Variants in CARMIL1 observed in about 807,000 individuals in gnomAD.
CARMIL1 encodes the protein capping protein regulator and myosin 1 linker 1.
In CARMIL1, 90 loss-of-function variants were observed where a neutral mutation model predicts 177.1. The ratio of observed to expected loss-of-function variants is 0.51; its 90% confidence interval spans 0.43 to 0.61. CARMIL1 has a LOEUF of 0.61. Ranked by LOEUF, CARMIL1 falls within the 20% of genes least tolerant of loss-of-function variation. CARMIL1 has a pLI of 0.00. For synonymous variants in CARMIL1, 577 were observed against 606.2 expected (o/e 0.95, Z 0.71); for missense variants, 1,380 against 1,667.0 (o/e 0.83, Z 3.00).
chr6:25,441,337 A>ATATATATATATGTGTGTGTGTG, intron 5 of CARMIL1, among the ~76,000 whole-genome samples: 80 of 94,522 alleles, frequency 8.5e-4, no homozygotes, highest in African/African-American at 3.4e-3. Flanking sequence ...ATATATATAT[A>ATATATATATATGTGTGTGTGTG]TGTGTGTGTG....
intron 36 of CARMIL1, among the ~76,000 whole-genome samples, chr6:25,614,049 G>A (rs1816699879): frequency 6.6e-6 from 1 of 152,166 alleles, no homozygotes. Flanking sequence ...ACACTTCACA[G>A]CTTAACAGCC....
chr6:25,393,556 C>CAAAAAA (rs201908574), intron 2 of CARMIL1: 1 of 91,740 alleles, frequency 1.1e-5, no homozygotes. Context: ...AACTCCATCT[C>CAAAAAA]AAAAAAAAAA....
At chr6:25,604,956 C>T in intron 34 of CARMIL1, 63 bp downstream of exon 34, 1 of 1,334,946 alleles carries the variant, frequency 7.5e-7, no homozygotes, top group African/African-American at 1.5e-5. Flanking sequence ...TGCAGAGTCA[C>T]ATGATTGACA....
intron 11 of CARMIL1, among the ~76,000 whole-genome samples, chr6:25,481,713 G>T (rs539111365): frequency 1.6e-4 from 24 of 152,306 alleles, no homozygotes; most frequent in African/African-American, 5.5e-4. Context: ...AATTCCTGGT[G>T]AGTTATCCAA....
intron 9 of CARMIL1, among the ~76,000 whole-genome samples, chr6:25,468,252 C>T (rs950946065): frequency 1.3e-5 from 2 of 151,486 alleles, no homozygotes; most frequent in African/African-American, 4.9e-5. Context: ...TTTTGGCCAA[C>T]ATTCTTGATT....
At chr6:25,333,907 C>T (rs1442329877) in intron 2 of CARMIL1, among the ~76,000 whole-genome samples, 1 of 152,170 alleles carries the variant, frequency 6.6e-6, no homozygotes, top group African/African-American at 2.4e-5. Flanking sequence ...ATTATCTATG[C>T]TTAGGTATGA....
chr6:25,295,605 C>G (rs112071505), intron 2 of CARMIL1, among the ~76,000 whole-genome samples: 100 of 152,292 alleles, frequency 6.6e-4, no homozygotes, highest in African/African-American at 2.4e-3. Context: ...GTCTACTTGG[C>G]AGAATGGCTT....
At chr6:25,359,377 C>A (rs902296364) in intron 2 of CARMIL1, among the ~76,000 whole-genome samples, 4 of 152,246 alleles carry the variant, frequency 2.6e-5, no homozygotes, top group Non-Finnish European at 2.9e-5. Flanking sequence ...CCCTAGCTCA[C>A]TGAGGCTCGT....
Position 25,609,961 on chromosome 6 carries a change from A to G in CARMIL1, c.3848-89A>G, listed in dbSNP as rs1816365507. 5.1e-6 allele frequency: 7 copies of G among 1,368,890 alleles called. No homozygotes were observed. In the South Asian group the frequency reaches 1.3e-4, roughly 24 times the overall value. The allele number at this position is 1,368,890 out of a possible 1,614,324, so 84.8% of individuals were successfully genotyped here. ...CTATGATGCTTTATTTTTTTAAATG[A>G]CTTATTTTTATATATAGATTTACCA... On this transcript the variant is annotated intron_variant, in intron 35 of 36. Coordinates refer to ENST00000329474, the MANE Select transcript of CARMIL1 (RefSeq NM_017640.6).
chr6:25,437,798 A>G (rs1450320044), intron 5 of CARMIL1, among the ~76,000 whole-genome samples: 3 of 152,178 alleles, frequency 2.0e-5, no homozygotes, highest in Admixed American at 2.0e-4. Context: ...ATTGGTTGCT[A>G]AGCTTTTAAA....
intron 8 of CARMIL1, among the ~76,000 whole-genome samples, chr6:25,463,581 C>A (rs181982304): frequency 6.6e-6 from 1 of 152,046 alleles, no homozygotes; most frequent in East Asian, 1.9e-4. Flanking sequence ...GACATTAAAT[C>A]CACAAAAAAG....
At chr6:25,309,195 T>G (rs1324812947) in intron 2 of CARMIL1, among the ~76,000 whole-genome samples, 1 of 151,988 alleles carries the variant, frequency 6.6e-6, no homozygotes, top group Admixed American at 6.6e-5. Context: ...GCCTCTCTCT[T>G]AAAACAACTT....
At chr6:25,307,456 ATGTT>A (rs1783367496) in intron 2 of CARMIL1, among the ~76,000 whole-genome samples, 1 of 152,172 alleles carries the variant, frequency 6.6e-6, no homozygotes, top group Non-Finnish European at 1.5e-5. Flanking sequence ...TACTCAATAA[ATGTT>A]TGTTGATAAA....
chr6:25,478,688 C>T (rs1223125866), intron 11 of CARMIL1, among the ~76,000 whole-genome samples: 2 of 151,584 alleles, frequency 1.3e-5, no homozygotes, highest in African/African-American at 2.4e-5. Context: ...CTCAGCTACT[C>T]GGGAGGCTGA....
chr6:25,480,910 C>T (rs957473370), intron 11 of CARMIL1, among the ~76,000 whole-genome samples: 16 of 151,502 alleles, frequency 1.1e-4, no homozygotes, highest in South Asian at 2.1e-4. Flanking sequence ...TTAGTAGAAA[C>T]GGGGTTTCAC....
At chr6:25,518,215 C>G (rs1420235038) in intron 22 of CARMIL1, among the ~76,000 whole-genome samples, 11 of 152,182 alleles carry the variant, frequency 7.2e-5, no homozygotes, top group Non-Finnish European at 1.6e-4. Context: ...AGGAGGGCCT[C>G]TCATGCCTGA....
chr6:25,349,073 T>C (rs1425142684), intron 2 of CARMIL1, among the ~76,000 whole-genome samples: 2 of 152,248 alleles, frequency 1.3e-5, no homozygotes, highest in African/African-American at 2.4e-5. Flanking sequence ...CCTTCATTCA[T>C]TTTTCAACTT....
intron 4 of CARMIL1, among the ~76,000 whole-genome samples, chr6:25,434,403 C>T (rs1581926833): frequency 1.3e-5 from 2 of 152,234 alleles, no homozygotes; most frequent in South Asian, 2.1e-4. Context: ...TGGACATCTC[C>T]AGCAATTAAT....
chr6:25,502,029 C>CT (rs1357177889), intron 17 of CARMIL1, among the ~76,000 whole-genome samples: 1 of 135,396 alleles, frequency 7.4e-6, no homozygotes, highest in Non-Finnish European at 1.6e-5. Flanking sequence ...CAATAGAACT[C>CT]TAAAAAACTA....
Sources: gnomAD v4.1 joint callset for allele counts (sites outside exome capture counted in the v4.1 genomes callset) on GRCh38, gnomAD v4.1.1 for gene constraint, MANE v1.5 for transcripts, NCBI Gene and HGNC (gene_info 2026-07-23, HGNC 2026-07-21) for gene names.